ST6GALNAC4: variants seen among roughly 807,000 people sequenced by gnomAD.
The protein encoded by ST6GALNAC4 is alpha-N-acetyl-neuraminyl-2,3-beta-galactosyl-1,3-N-acetyl-galactosaminide alpha-2,6-sialyltransferase.
A neutral mutation model predicts 30.4 loss-of-function variants in ST6GALNAC4; 24 were observed. The ratio of observed to expected loss-of-function variants is 0.79; its 90% CI spans 0.57 to 1.11. The LOEUF (loss-of-function observed/expected upper bound fraction) is 1.11, where lower values mean the gene tolerates loss of function less well. Among genes scored for constraint, ST6GALNAC4 ranks in the 50% most tolerant of loss-of-function variants. The pLI is 0.00. For synonymous variants in ST6GALNAC4, 156 were observed against 179.7 expected (o/e 0.87, Z 1.05); for missense variants, 365 against 430.1 (o/e 0.85, Z 1.34).
chr9:127,914,677 A>G lies in ST6GALNAC4; in HGVS notation c.177T>C (p.Tyr59=), dbSNP rs780241204. Residue 59 remains tyrosine, a synonymous_variant, in exon 3 of 6, where the codon TAT becomes TAC. Transcript: ENST00000335791. ...TCACCTTCCCATCTGGCACACTGCTATATCCACTGAAGTGCAGGGGTCCCG... is the reference window on the plus strand; with the variant it reads ...TCACCTTCCCATCTGGCACACTGCTGTATCCACTGAAGTGCAGGGGTCCCG... ...TVPGPLHFSG[Y]SSVPDGKPLV... 45 of 1,612,786 alleles carry G rather than the reference A, an allele frequency of 2.8e-5. 1 individual carries two copies. In the East Asian group the frequency reaches 9.4e-4, roughly 34 times the overall value.
chr9:127,914,982 C>G, intron 2 of ST6GALNAC4, 141 bp from the exon 3 acceptor site: 1 of 720,994 alleles, frequency 1.4e-6, no homozygotes, highest in Non-Finnish European at 2.1e-6. Context: ...ATCCAGTCTC[C>G]ATCCACTGGG....
At position 127,914,984 on chromosome 9, in the gene ST6GALNAC4, T is replaced by C. The variant is rs1831164095; in HGVS notation, c.13-143A>G. On this transcript the variant is annotated intron_variant, in intron 2 of 5. Coordinates refer to ENST00000335791, the MANE Select transcript of ST6GALNAC4 (RefSeq NM_175039.4). Reference sequence around the variant, plus strand: ...GAACAGCAGCAGAATCCAGTCTCCATCCACTGGGCCTTACCTGGGGATGCC... The same window carrying C: ...GAACAGCAGCAGAATCCAGTCTCCACCCACTGGGCCTTACCTGGGGATGCC... The C allele has an allele frequency of 7.1e-6, 5 of 702,738 alleles. No individual in the cohort carries two copies. The Middle Eastern group carries it at 1.4e-3, about 190-fold the overall frequency. 43.5% of individuals were successfully genotyped at this position (702,738 alleles called of 1,614,324 possible).
At chr9:127,914,937 C>T in intron 2 of ST6GALNAC4, 96 bp from the exon 3 acceptor site, 2 of 1,196,770 alleles carry the variant, frequency 1.7e-6, no homozygotes, top group Non-Finnish European at 2.2e-6. Flanking sequence ...TAGAGAAGCT[C>T]CTGGGTCTAG....
In ST6GALNAC4 at chr9:127,908,378, C is replaced by T. The variant is rs1830981162; in HGVS notation, c.*14G>A. Reference sequence around the variant, plus strand: ...GGCCTCGCAACGGCATGGCGACTGGCAGGACGACGGAAGCTACTCAGTCCT... The same window carrying T: ...GGCCTCGCAACGGCATGGCGACTGGTAGGACGACGGAAGCTACTCAGTCCT... On this transcript the variant is annotated 3_prime_UTR_variant, in exon 6 of 6. Transcript: ENST00000335791. 6.6e-6 allele frequency: 10 copies of T among 1,515,196 alleles called. No individual in the cohort carries two copies. Among genetic ancestry groups the T allele is most frequent in the Non-Finnish European group, 8.9e-6 (10 of 1,121,020 alleles). The allele number at this position is 1,515,196 out of a possible 1,614,324, so 93.9% of individuals were successfully genotyped here.
intron 5 of ST6GALNAC4, among the ~76,000 whole-genome samples, chr9:127,909,595 G>GAC (rs1458778928): frequency 6.6e-6 from 1 of 151,084 alleles, no homozygotes; most frequent in African/African-American, 2.4e-5. Flanking sequence ...TATAGGCCCT[G>GAC]ACTGTGGTAA....
intron 3 of ST6GALNAC4, among the ~76,000 whole-genome samples, chr9:127,913,842 C>T (rs974971354): frequency 2.6e-5 from 4 of 152,096 alleles, no homozygotes; most frequent in African/African-American, 7.2e-5. Context: ...GGGTGCTCGG[C>T]GGCCACACCT....
At chr9:127,909,893 C>G (rs1831035150) in intron 5 of ST6GALNAC4, 58 bp downstream of exon 5, 1 of 1,539,478 alleles carries the variant, frequency 6.5e-7, no homozygotes, top group Non-Finnish European at 8.9e-7. Context: ...TGGTTTAAGG[C>G]CTAGGAGGGC....
chr9:127,914,862 G>C (rs773104008), intron 2 of ST6GALNAC4, 21 bp from the exon 3 acceptor site: 21 of 1,446,154 alleles, frequency 1.5e-5, no homozygotes, highest in Admixed American at 2.6e-5. Context: ...CAGTGGCCAT[G>C]GGGGGGTGTA....
In ST6GALNAC4 at chr9:127,916,382, T is replaced by C. The variant is rs201486642; in HGVS notation, c.12+26A>G. 6.5e-4 allele frequency: 1,057 copies of C among 1,614,138 alleles called. 13 individuals are homozygous for C. The South Asian group carries it at 0.011, about 17-fold the overall frequency. The stretch of plus-strand genomic sequence containing the variant: ...CGCCAGTCGGGGCCTCTGCGTTCCC[T>C]GGAAGTCCTCCTTCTTCCCACTTAC... On this transcript the variant is annotated intron_variant, in intron 2 of 5. Coordinates refer to ENST00000335791, the MANE Select transcript of ST6GALNAC4 (RefSeq NM_175039.4).
intron 4 of ST6GALNAC4, chr9:127,910,371 C>CT: frequency 8.7e-7 from 1 of 1,145,460 alleles, no homozygotes; most frequent in Non-Finnish European, 1.1e-6. Context: ...CTCTCCTCAT[C>CT]TAAGGGACCA....
intron 3 of ST6GALNAC4, among the ~76,000 whole-genome samples, chr9:127,912,936 G>T (rs186682344): frequency 6.6e-6 from 1 of 152,336 alleles, no homozygotes; most frequent in East Asian, 1.9e-4. Context: ...TCCTGTTGCT[G>T]CCTCTGAGGC....
Position 127,912,280 on chromosome 9 carries a change from G to A in ST6GALNAC4, c.599C>T (p.Thr200Met), listed in dbSNP as rs144061776. The A allele has an allele frequency of 1.3e-5, 21 of 1,609,052 alleles. No individual in the cohort carries two copies. Among genetic ancestry groups the A allele is most frequent in the Non-Finnish European group, 1.7e-5 (20 of 1,176,794 alleles). Residue 200 changes from threonine (T) to methionine (M), a missense_variant, in exon 4 of 6, where the codon ACG becomes ATG. Coordinates refer to ENST00000335791, the MANE Select transcript of ST6GALNAC4 (RefSeq NM_175039.4). ...AYCDQIFQDE[T>M]GKNRRQSGSF... ...GCCCCAGGCTCACCGGTTCTTGCCC[G>A]TCTCGTCCTGGAAGATCTGGTCGCA...
chr9:127,909,926 G>A (rs537824920), intron 5 of ST6GALNAC4, 25 bp downstream of exon 5: 39 of 1,609,472 alleles, frequency 2.4e-5, no homozygotes, highest in Admixed American at 1.2e-4. Context: ...CCGCGTCCCC[G>A]CGTGCCCGGC....
chr9:127,908,493 G>A lies in ST6GALNAC4; in HGVS notation c.808C>T (p.Pro270Ser), dbSNP rs746812500. 1 of 1,610,374 alleles carries A rather than the reference G, an allele frequency of 6.2e-7. No individual in the cohort carries two copies. The highest frequency in any genetic ancestry group is 8.5e-7 in the Non-Finnish European group (1 of 1,177,348). Reference protein sequence around the residue: ...CQMYLAHEQAPRSAHRFITEK... With the variant: ...CQMYLAHEQASRSAHRFITEK... Reference sequence around the variant, plus strand: ...GTGATGAAGCGGTGGGCGCTTCGGGGCGCCTGCTCGTGTGCCAGGTACATC... The same window carrying A: ...GTGATGAAGCGGTGGGCGCTTCGGGACGCCTGCTCGTGTGCCAGGTACATC... Residue 270 changes from proline to serine, a missense_variant, in exon 6 of 6, where the codon CCC becomes TCC. Physicochemically the swap from Pro to Ser is moderately conservative, Grantham distance 74. Coordinates refer to ENST00000335791, the MANE Select transcript of ST6GALNAC4 (RefSeq NM_175039.4).
rs1335919247 is a variant in ST6GALNAC4 at position 127,912,620 on chromosome 9, C to T, written c.259G>A (p.Gly87Ser). The T allele has an allele frequency of 1.2e-6, 2 of 1,604,794 alleles. No individual in the cohort carries two copies. Among genetic ancestry groups the T allele is most frequent in the Non-Finnish European group, 1.7e-6 (2 of 1,178,514 alleles). ...TCGATCTCAGCACCCAGGCCTGAGCCCAGCATTTGGCCGGAGCTGGACACC... is the reference window on the plus strand; with the variant it reads ...TCGATCTCAGCACCCAGGCCTGAGCTCAGCATTTGGCCGGAGCTGGACACC... ...AVVSSSGQML[G>S]SGLGAEIDSA... The change falls in exon 4 of 6, where the codon GGC becomes AGC. Residue 87 changes from glycine to serine, a missense_variant. By Grantham distance (56) the Gly-to-Ser change is moderately conservative. Coordinates refer to ENST00000335791, the MANE Select transcript of ST6GALNAC4 (RefSeq NM_175039.4).
intron 4 of ST6GALNAC4, among the ~76,000 whole-genome samples, chr9:127,911,215 C>A (rs527880587): frequency 3.3e-5 from 5 of 151,936 alleles, no homozygotes; most frequent in African/African-American, 1.2e-4. Context: ...GTGGTGGGGG[C>A]GGGAAGCCTA....
intron 4 of ST6GALNAC4, 143 bp downstream of exon 4, chr9:127,912,125 C>G (rs1831085354): frequency 9.9e-6 from 10 of 1,007,468 alleles, no homozygotes; most frequent in Non-Finnish European, 7.1e-6. Flanking sequence ...CCTCCTGCCC[C>G]CCATTAGAGG....
chr9:127,909,320 T>C (rs10819319), intron 5 of ST6GALNAC4, among the ~76,000 whole-genome samples: 30,793 of 148,770 alleles, frequency 0.21, 3,581 homozygotes, highest in East Asian at 0.51. Context: ...ACCCGGGAGG[T>C]GGAGGTTGCA....
intron 3 of ST6GALNAC4, 138 bp from the exon 4 acceptor site, chr9:127,912,818 G>T: frequency 9.3e-7 from 1 of 1,073,118 alleles, no homozygotes; most frequent in Non-Finnish European, 1.3e-6. Context: ...CATTTTGCAG[G>T]CTGGGCAGCA....
Sources: gnomAD v4.1 joint callset for allele counts (sites outside exome capture counted in the v4.1 genomes callset) on GRCh38, gnomAD v4.1.1 for gene constraint, MANE v1.5 for transcripts, NCBI Gene and HGNC (gene_info 2026-07-23, HGNC 2026-07-21) for gene names.